The following NBDY variants were observed in gnomAD, a reference collection of about 807,000 sequenced individuals.
The protein encoded by NBDY is P-body dissociating protein.
At chrX:56,813,893 G>A (rs1239766467) in intron 2 of NBDY, among the ~76,000 whole-genome samples, 5 of 111,694 alleles carry the variant, frequency 4.5e-5, no homozygotes, top group East Asian at 2.8e-4. Flanking sequence ...GTTTTTTCAC[G>A]GGGATGTCAC....
At chrX:56,803,304 C>G (rs973708201) in intron 2 of NBDY, among the ~76,000 whole-genome samples, 1 of 111,935 alleles carries the variant, frequency 8.9e-6, no homozygotes, top group South Asian at 3.7e-4. Context: ...CAGGAGTCGT[C>G]CCGCCCACAG....
chrX:56,738,093 G>T (rs918700852), intron 2 of NBDY, among the ~76,000 whole-genome samples: 2 of 111,853 alleles, frequency 1.8e-5, no homozygotes, highest in Admixed American at 1.9e-4. Flanking sequence ...AATGTCTTTT[G>T]TGGTTATTTT....
At chrX:56,767,073 C>T (rs776550643) in intron 2 of NBDY, among the ~76,000 whole-genome samples, 6 of 113,630 alleles carry the variant, frequency 5.3e-5, no homozygotes, top group Non-Finnish European at 1.9e-5. Flanking sequence ...AATTCTCCAG[C>T]AAAACCTTGT....
intron 2 of NBDY, among the ~76,000 whole-genome samples, chrX:56,816,629 A>C (rs2069911890): frequency 9.0e-6 from 1 of 111,202 alleles, no homozygotes; most frequent in African/African-American, 3.2e-5. Flanking sequence ...TTATAAGTGA[A>C]TAAAAACAAA....
Position 56,817,871 on chromosome X carries a change from A to G in NBDY, c.*718A>G, listed in dbSNP as rs1008618779. The G allele has an allele frequency of 9.0e-6, 1 of 111,699 alleles. No homozygotes were observed. Among genetic ancestry groups the G allele is most frequent in the Non-Finnish European group, 1.9e-5 (1 of 53,112 alleles). The allele number at this position is 111,699 out of a possible 1,213,427, so 9.2% of individuals were successfully genotyped here. On this transcript the variant is annotated 3_prime_UTR_variant, in exon 3 of 3. Coordinates refer to ENST00000374922, the MANE Select transcript of NBDY (RefSeq NM_001348129.2). The stretch of plus-strand genomic sequence containing the variant: ...TCCTCATCCTAGTATTTTACATCTT[A>G]ACTATTTTTTTCTGACTGAAATGGT...
intron 2 of NBDY, among the ~76,000 whole-genome samples, chrX:56,801,258 G>A (rs1488906704): frequency 8.9e-6 from 1 of 111,947 alleles, no homozygotes; most frequent in Non-Finnish European, 1.9e-5. Flanking sequence ...GACAGCTGCT[G>A]TGGCGTGAAG....
rs1405845982 is a variant in NBDY at position 56,817,534 on chromosome X, T to G, written c.*381T>G. The G allele has an allele frequency of 8.9e-6, 1 of 111,964 alleles. No homozygotes were observed. The highest frequency in any genetic ancestry group is 1.9e-5 in the Non-Finnish European group (1 of 53,211). The allele number at this position is 111,964 out of a possible 1,213,427, so 9.2% of individuals were successfully genotyped here. ...TTCTTGTTGTATAACTTTATATTCC[T>G]ATAAATCCATTAAGGCCCCAATAAA... is the stretch of plus-strand genomic sequence containing the variant. On this transcript the variant is annotated 3_prime_UTR_variant, in exon 3 of 3. Transcript: ENST00000374922.
intron 2 of NBDY, among the ~76,000 whole-genome samples, chrX:56,735,469 T>G (rs1365683564): frequency 8.9e-6 from 1 of 112,143 alleles, no homozygotes; most frequent in Non-Finnish European, 1.9e-5. Context: ...TACCTCAATC[T>G]TGGTCCATTC....
At chrX:56,815,662 A>G (rs1241195276) in intron 2 of NBDY, among the ~76,000 whole-genome samples, 2 of 112,077 alleles carry the variant, frequency 1.8e-5, no homozygotes, top group Non-Finnish European at 3.8e-5. Context: ...GAGAATTACT[A>G]TGTTTTGGTG....
chrX:56,752,079 C>T (rs1354037850), intron 2 of NBDY, among the ~76,000 whole-genome samples: 1 of 112,233 alleles, frequency 8.9e-6, no homozygotes, highest in Non-Finnish European at 1.9e-5. Flanking sequence ...GTACATGAAA[C>T]ACATTTTCTT....
At chrX:56,767,218 T>C (rs985247681) in intron 2 of NBDY, among the ~76,000 whole-genome samples, 2 of 113,591 alleles carry the variant, frequency 1.8e-5, no homozygotes, top group Non-Finnish European at 3.7e-5. Context: ...CGATGAAACC[T>C]GGAGAGGTCC....
chrX:56,793,756 C>G (rs1016449318), intron 2 of NBDY, among the ~76,000 whole-genome samples: 1 of 110,859 alleles, frequency 9.0e-6, no homozygotes, highest in African/African-American at 3.3e-5. Flanking sequence ...TAGGATGGCA[C>G]CCTGGCTCCA....
chrX:56,756,168 C>G (rs1478183082), intron 2 of NBDY, among the ~76,000 whole-genome samples: 3 of 102,969 alleles, frequency 2.9e-5, no homozygotes, highest in African/African-American at 7.1e-5. Context: ...GGAGGGATAG[C>G]ATTACGAAAT....
At chrX:56,795,526 G>T (rs1246184281) in intron 2 of NBDY, among the ~76,000 whole-genome samples, 1 of 112,228 alleles carries the variant, frequency 8.9e-6, no homozygotes. Flanking sequence ...CTCTGTCTTT[G>T]CTTGTTACAA....
chrX:56,764,526 G>C (rs771969636), intron 2 of NBDY, among the ~76,000 whole-genome samples: 51 of 109,976 alleles, frequency 4.6e-4, no homozygotes, highest in Non-Finnish European at 8.0e-4. Context: ...CATAGTCTAA[G>C]CACATCCTCG....
chrX:56,807,094 T>C (rs984703184), intron 2 of NBDY, among the ~76,000 whole-genome samples: 1 of 112,261 alleles, frequency 8.9e-6, no homozygotes, highest in Non-Finnish European at 1.9e-5. Context: ...GGCTTGTTAT[T>C]GCCAGGTTCA....
intron 2 of NBDY, chrX:56,811,090 A>G (rs1050762918): frequency 1.8e-5 from 2 of 112,461 alleles, no homozygotes; most frequent in African/African-American, 6.5e-5. Context: ...GAGGCTGCAG[A>G]CCAGCAAAGA....
intron 2 of NBDY, among the ~76,000 whole-genome samples, chrX:56,760,910 A>G (rs971156252): frequency 1.8e-5 from 2 of 111,130 alleles, no homozygotes; most frequent in East Asian, 5.7e-4. Context: ...GGGAGGTTGC[A>G]CTGGGGAAGG....
intron 2 of NBDY, among the ~76,000 whole-genome samples, chrX:56,798,841 G>C (rs895856504): frequency 8.9e-6 from 1 of 111,917 alleles, no homozygotes; most frequent in Admixed American, 9.4e-5. Flanking sequence ...GTCAACCTGG[G>C]ACCAGTTGGC....
Sources: allele counts gnomAD v4.1 joint callset (sites outside exome capture counted in the v4.1 genomes callset), GRCh38; gene constraint gnomAD v4.1.1; transcripts MANE v1.5; gene names NCBI Gene and HGNC (gene_info 2026-07-23, HGNC 2026-07-21).